UBE2K: variants seen among roughly 807,000 people sequenced by gnomAD.
UBE2K encodes the protein ubiquitin-conjugating enzyme E2 K.
In UBE2K, 6 loss-of-function variants were observed where a neutral mutation model predicts 30.0. The ratio of observed to expected loss-of-function variants is 0.20; its 90% CI spans 0.11 to 0.39. The LOEUF is 0.39. Among genes scored for constraint, UBE2K ranks in the 10% least tolerant of loss-of-function variants. The pLI is 1.00. For missense variants in UBE2K, 61 were observed against 241.6 expected (o/e 0.25, Z 4.96); for synonymous variants, 86 against 83.7 (o/e 1.03, Z -0.15).
intron 1 of UBE2K, among the ~76,000 whole-genome samples, chr4:39,735,099 G>A (rs1720304427): frequency 6.6e-6 from 1 of 152,198 alleles, no homozygotes; most frequent in Non-Finnish European, 1.5e-5. Flanking sequence ...AGCCTTAAGA[G>A]GAGAAATGCA....
At chr4:39,714,544 A>ATTTTTTTTTTTTTTTTTTT (rs1337587267) in intron 1 of UBE2K, 1 of 21,088 alleles carries the variant, frequency 4.7e-5, no homozygotes, top group Non-Finnish European at 7.1e-5. Context: ...ATATATATAT[A>ATTTTTTTTTTTTTTTTTTT]TATATATTTT....
chr4:39,736,373 A>C (rs954725006), intron 1 of UBE2K, among the ~76,000 whole-genome samples: 5 of 152,190 alleles, frequency 3.3e-5, no homozygotes, highest in Non-Finnish European at 5.9e-5. Flanking sequence ...GAAGCAGGAG[A>C]GTCACTTGAA....
chr4:39,771,264 C>G, intron 4 of UBE2K: 3 of 1,611,816 alleles, frequency 1.9e-6, no homozygotes, highest in Non-Finnish European at 2.5e-6. Context: ...ACTGGTCCCG[C>G]AGGAACGGTG....
intron 4 of UBE2K, among the ~76,000 whole-genome samples, chr4:39,772,733 G>A (rs1474011651): frequency 6.6e-6 from 1 of 151,104 alleles, no homozygotes; most frequent in Non-Finnish European, 1.5e-5. Context: ...TGTCGCCCAG[G>A]CTAGAGTGCA....
At chr4:39,763,542 G>A (rs1034444315) in intron 4 of UBE2K, among the ~76,000 whole-genome samples, 7 of 151,876 alleles carry the variant, frequency 4.6e-5, no homozygotes, top group South Asian at 2.1e-4. Context: ...GAGCCACCAC[G>A]CCCAGCCAAA....
At chr4:39,750,008 G>T (rs1168432933) in intron 3 of UBE2K, among the ~76,000 whole-genome samples, 2 of 152,164 alleles carry the variant, frequency 1.3e-5, no homozygotes, top group African/African-American at 4.8e-5. Context: ...AGACTAGCCT[G>T]GCCGACATGG....
chr4:39,722,738 C>T (rs960613291), intron 1 of UBE2K, among the ~76,000 whole-genome samples: 4 of 151,804 alleles, frequency 2.6e-5, no homozygotes, highest in Admixed American at 6.6e-5. Flanking sequence ...ATTTTTTTTT[C>T]CTCATAAATG....
chr4:39,760,176 CA>C (rs71194913), intron 4 of UBE2K, among the ~76,000 whole-genome samples: 10,800 of 76,992 alleles, frequency 0.14, 283 homozygotes, highest in East Asian at 0.26. Context: ...GACTCTGTCA[CA>C]AAAAAAAAAA....
Position 39,777,771 on chromosome 4 carries a change from C to A in UBE2K, c.489C>A (p.Thr163=). The change falls in exon 6 of 7, where the codon ACC becomes ACA. Residue 163 remains threonine, a synonymous_variant. Coordinates refer to ENST00000261427, the MANE Select transcript of UBE2K (RefSeq NM_005339.5). The stretch of plus-strand genomic sequence containing the variant: ...CACCAGTTTCTAGTCCAGAATACAC[C>A]AAAAAAATAGAAAACCTATGTGCTA... ...AGAPVSSPEY[T]KKIENLCAMG... 6.5e-7 allele frequency: 1 copy of A among 1,544,900 alleles called. No homozygotes were observed. The highest frequency in any genetic ancestry group is 8.7e-7 in the Non-Finnish European group (1 of 1,155,114).
chr4:39,763,043 T>G (rs1712068598), intron 4 of UBE2K, among the ~76,000 whole-genome samples: 1 of 140,348 alleles, frequency 7.1e-6, no homozygotes, highest in African/African-American at 2.6e-5. Context: ...TAAGCACTTC[T>G]CGTGCCCTCA....
chr4:39,752,974 C>T (rs926903923), intron 3 of UBE2K, among the ~76,000 whole-genome samples: 10 of 152,032 alleles, frequency 6.6e-5, no homozygotes, highest in Non-Finnish European at 1.5e-4. Context: ...GAGCCATGAT[C>T]GCACCACTCC....
chr4:39,768,603 A>G (rs1375164459), intron 4 of UBE2K, among the ~76,000 whole-genome samples: 1 of 152,114 alleles, frequency 6.6e-6, no homozygotes, highest in Non-Finnish European at 1.5e-5. Flanking sequence ...GCTGGTCTCA[A>G]ACCCCTGGGT....
chr4:39,707,659 C>CT, intron 1 of UBE2K, among the ~76,000 whole-genome samples: 1 of 150,782 alleles, frequency 6.6e-6, no homozygotes, highest in Non-Finnish European at 1.5e-5. Flanking sequence ...GTAGCTGGGA[C>CT]TACAGGTGTG....
At chr4:39,773,319 T>G (rs1381851124) in intron 4 of UBE2K, among the ~76,000 whole-genome samples, 2 of 150,898 alleles carry the variant, frequency 1.3e-5, no homozygotes, top group Non-Finnish European at 3.0e-5. Flanking sequence ...CTACAAAAAA[T>G]TAGCCGGGCA....
At chr4:39,744,268 GTTCACGCCA>G (rs1720865907) in intron 2 of UBE2K, among the ~76,000 whole-genome samples, 1 of 152,016 alleles carries the variant, frequency 6.6e-6, no homozygotes, top group African/African-American at 2.4e-5. Flanking sequence ...CGCCTCCCAG[GTTCACGCCA>G]TTCTTCTGCC....
rs1553879299 is a variant in UBE2K, at chr4:39,760,174, C to CAG, written c.299+4436_299+4437insGA. Reference sequence around the variant, plus strand: ...CCTGGGTGACAGAGCGAGACTCTGTCACAAAAAAAAAAAAAAAACAGAAAA... The same window carrying CAG: ...CCTGGGTGACAGAGCGAGACTCTGTCAGACAAAAAAAAAAAAAAAACAGAAAA... On this transcript the variant is annotated intron_variant, in intron 4 of 6. Transcript: ENST00000261427. Among the ~76,000 whole-genome samples, 24 of 5,400 alleles carry CAG rather than the reference C, an allele frequency of 4.4e-3. No individual in the cohort carries two copies. The East Asian group carries it at 0.19, about 43-fold the overall frequency. 3.5% of individuals were successfully genotyped at this position (5,400 alleles called of 152,430 possible).
chr4:39,731,893 AAAT>A (rs1207908394), intron 1 of UBE2K, among the ~76,000 whole-genome samples: 12 of 152,320 alleles, frequency 7.9e-5, no homozygotes, highest in African/African-American at 2.6e-4. Context: ...ACTAGGAAAC[AAAT>A]AATAATTTTT....
intron 4 of UBE2K, among the ~76,000 whole-genome samples, chr4:39,768,318 GCCT>G (rs1411467024): frequency 6.7e-6 from 1 of 150,222 alleles, no homozygotes; most frequent in African/African-American, 2.5e-5. Context: ...GGTAGCAGGC[GCCT>G]GTAATCCCAG....
At chr4:39,748,893 A>G (rs1416345820) in intron 3 of UBE2K, among the ~76,000 whole-genome samples, 5 of 152,238 alleles carry the variant, frequency 3.3e-5, no homozygotes, top group Non-Finnish European at 7.3e-5. Flanking sequence ...GTAAATGTTA[A>G]TGAACATGAT....
Sources: allele counts gnomAD v4.1 joint callset (sites outside exome capture counted in the v4.1 genomes callset), GRCh38; gene constraint gnomAD v4.1.1; transcripts MANE v1.5; gene names NCBI Gene and HGNC (gene_info 2026-07-23, HGNC 2026-07-21).